The following MYO1E variants were observed in gnomAD, a reference collection of about 807,000 sequenced individuals.
MYO1E encodes the protein myosin IE.
A neutral mutation model predicts 151.1 loss-of-function variants in MYO1E; 68 were observed. The ratio of observed to expected loss-of-function variants is 0.45; its 90% CI spans 0.37 to 0.55. The LOEUF (loss-of-function observed/expected upper bound fraction) is 0.55, where lower values mean the gene tolerates loss of function less well. Among genes scored for constraint, MYO1E ranks in the 20% least tolerant of loss-of-function variants. The pLI is 0.00. For synonymous variants in MYO1E, 601 were observed against 501.7 expected, an observed-to-expected ratio of 1.20 and a Z score of -2.64; for missense variants, 1,363 against 1,389.3, an observed-to-expected ratio of 0.98 and a Z score of 0.30.
intron 1 of MYO1E, among the ~76,000 whole-genome samples, chr15:59,296,329 C>G (rs1050540115): frequency 1.3e-5 from 2 of 152,216 alleles, no homozygotes; most frequent in African/African-American, 2.4e-5. Flanking sequence ...ACAGGCTGTC[C>G]CTTCACTGGG....
chr15:59,205,333 G>C (rs1414874418), intron 15 of MYO1E, 67 bp downstream of exon 15: 6 of 1,487,738 alleles, frequency 4.0e-6, no homozygotes, highest in African/African-American at 2.8e-5. Context: ...CAGCTCATAA[G>C]TTTGTTTTCA....
At chr15:59,207,687 G>A in intron 14 of MYO1E, 1 of 1,614,186 alleles carries the variant, frequency 6.2e-7, no homozygotes, top group Non-Finnish European at 8.5e-7. Flanking sequence ...GTGTTCCTGT[G>A]TGGAGTGGAG....
chr15:59,231,665 A>G lies in MYO1E; in HGVS notation c.510+37T>C, dbSNP rs200019084. The stretch of plus-strand genomic sequence containing the variant: ...TCAGTCAGAAGCATCAACATCATCA[A>G]TCAAGCGACACTCTCTGAAACAGGG... On this transcript the variant is annotated intron_variant, in intron 6 of 27. Transcript: ENST00000288235. The G allele has an allele frequency of 8.9e-5, 143 of 1,599,742 alleles. No homozygotes were observed. In the Middle Eastern group the frequency reaches 1.2e-3, roughly 13 times the overall value.
chr15:59,213,468 G>C (rs1451116754), intron 12 of MYO1E, among the ~76,000 whole-genome samples: 1 of 151,798 alleles, frequency 6.6e-6, no homozygotes, highest in African/African-American at 2.4e-5. Context: ...ACTGCGCCTG[G>C]CTATTATTTA....
At chr15:59,337,813 C>G (rs1314509083) in intron 1 of MYO1E, among the ~76,000 whole-genome samples, 1 of 152,000 alleles carries the variant, frequency 6.6e-6, no homozygotes, top group African/African-American at 2.4e-5. Context: ...GCCTAGGCAA[C>G]AGAGCAAGAC....
intron 24 of MYO1E, among the ~76,000 whole-genome samples, 178 bp downstream of exon 24, chr15:59,160,895 C>T (rs1382384351): frequency 3.9e-5 from 6 of 152,042 alleles, no homozygotes; most frequent in Admixed American, 1.3e-4. Flanking sequence ...TTAACCTGCT[C>T]ATTTTCCTTG....
intron 26 of MYO1E, among the ~76,000 whole-genome samples, chr15:59,141,966 G>C (rs1428466723): frequency 6.6e-6 from 1 of 151,728 alleles, no homozygotes; most frequent in Non-Finnish European, 1.5e-5. Context: ...AATTAGCCGG[G>C]CGTGGTGGCG....
rs1178596951 is a variant in MYO1E, at chr15:59,136,305, C to G, written c.*1075G>C. On this transcript the variant is annotated 3_prime_UTR_variant, in exon 28 of 28. Transcript: ENST00000288235. ...TGTGAGGTACTGGTGGCTGGGACTC[C>G]AACATCTTCTTTGGAGGCACACAAT... 6.2e-6 allele frequency: 1 copy of G among 160,896 alleles called. No individual in the cohort carries two copies. The highest frequency in any genetic ancestry group is 2.4e-5 in the African/African-American group (1 of 41,664). 10.0% of individuals were successfully genotyped at this position (160,896 alleles called of 1,614,324 possible).
At chr15:59,216,793 C>G (rs1239673286) in intron 10 of MYO1E, among the ~76,000 whole-genome samples, 1 of 150,442 alleles carries the variant, frequency 6.6e-6, no homozygotes. Flanking sequence ...ATATTCCTTC[C>G]TCTAAAAGGT....
intron 4 of MYO1E, among the ~76,000 whole-genome samples, chr15:59,250,810 CAACAG>C (rs2080160079): frequency 6.6e-6 from 1 of 152,134 alleles, no homozygotes; most frequent in African/African-American, 2.4e-5. Context: ...ACAGCCACTG[CAACAG>C]AAATCCTTGG....
At chr15:59,183,318 C>A (rs1261351854) in intron 18 of MYO1E, among the ~76,000 whole-genome samples, 1 of 150,928 alleles carries the variant, frequency 6.6e-6, no homozygotes, top group Non-Finnish European at 1.5e-5. Context: ...AACAAAAAAA[C>A]CCAGAATAGA....
intron 17 of MYO1E, among the ~76,000 whole-genome samples, chr15:59,190,748 T>C (rs2079727918): frequency 6.6e-6 from 1 of 152,206 alleles, no homozygotes; most frequent in African/African-American, 2.4e-5. Context: ...GGAAAGCACT[T>C]AGTTCGTAGC....
rs1331132037 is a variant in MYO1E at position 59,159,695 on chromosome 15, T to C, written c.2786-1316A>G. On this transcript the variant is annotated intron_variant, in intron 24 of 27. Coordinates refer to ENST00000288235, the MANE Select transcript of MYO1E (RefSeq NM_004998.4). The surrounding 1 kb of genome is among the most constrained non-coding windows in gnomAD (Gnocchi z 4.4). ...CCTCCAAAAGTTGCTGTCTGTTTTC[T>C]GCAAGTACTAACGGATACACAGACA... Among the ~76,000 whole-genome samples, 1 of 152,214 alleles carries C rather than the reference T, an allele frequency of 6.6e-6. No homozygotes were observed. Among genetic ancestry groups the C allele is most frequent in the East Asian group, 1.9e-4 (1 of 5,204 alleles).
At chr15:59,366,064 C>T (rs374039749) in intron 1 of MYO1E, among the ~76,000 whole-genome samples, 3 of 152,236 alleles carry the variant, frequency 2.0e-5, no homozygotes, top group Admixed American at 6.5e-5. Flanking sequence ...CTGCAACCTC[C>T]GCCTCCCAAG....
chr15:59,274,007 A>T lies in MYO1E; in HGVS notation c.4-1558T>A, dbSNP rs2080303830. On this transcript the variant is annotated intron_variant, in intron 1 of 27. Coordinates refer to ENST00000288235, the MANE Select transcript of MYO1E (RefSeq NM_004998.4). ...TTTTGAGAGGAGAAGATGACAAGAA[A>T]CAAGATGGAAGCCATTCCAAATTTT... 2.0e-5 allele frequency among the ~76,000 whole-genome samples: 3 copies of T among 152,360 alleles called. No homozygotes were observed. In the South Asian group the frequency reaches 6.2e-4, roughly 32 times the overall value.
At chr15:59,167,925 C>T (rs1333253616) in intron 22 of MYO1E, among the ~76,000 whole-genome samples, 5 of 152,054 alleles carry the variant, frequency 3.3e-5, no homozygotes, top group Admixed American at 6.5e-5. Context: ...GCAATCGGCT[C>T]GCCTCGGCCT....
At chr15:59,344,842 T>C (rs1279722680) in intron 1 of MYO1E, among the ~76,000 whole-genome samples, 2 of 152,058 alleles carry the variant, frequency 1.3e-5, no homozygotes, top group Non-Finnish European at 2.9e-5. Flanking sequence ...TTAGATTCAA[T>C]AAATACAAGC....
At chr15:59,319,355 T>C (rs1392738487) in intron 1 of MYO1E, among the ~76,000 whole-genome samples, 1 of 152,022 alleles carries the variant, frequency 6.6e-6, no homozygotes, top group Non-Finnish European at 1.5e-5. Context: ...GAAGTTTCTG[T>C]AATAACTTTT....
chr15:59,205,611 C>G, intron 14 of MYO1E, 126 bp from the exon 15 acceptor site: 1 of 824,746 alleles, frequency 1.2e-6, no homozygotes, highest in Non-Finnish European at 2.0e-6. Flanking sequence ...GCTACCCTCA[C>G]CACAACATGT....
Sources: allele counts gnomAD v4.1 joint callset (sites outside exome capture counted in the v4.1 genomes callset), GRCh38; gene constraint gnomAD v4.1.1; non-coding constraint Gnocchi (gnomAD v3.1); transcripts MANE v1.5; gene names NCBI Gene and HGNC (gene_info 2026-07-23, HGNC 2026-07-21).